The following TBXAS1 variants were observed in gnomAD, a reference collection of about 807,000 sequenced individuals.
TBXAS1 encodes the protein thromboxane-A synthase.
Under a neutral mutation model 60.7 loss-of-function variants are expected in TBXAS1, and 48 were observed. The ratio of observed to expected loss-of-function variants is 0.79; its 90% CI spans 0.63 to 1.01. The LOEUF is 1.01. Ranked by LOEUF, TBXAS1 falls within the 50% of genes least tolerant of loss-of-function variation. TBXAS1 has a pLI of 0.00. For missense variants in TBXAS1, 685 were observed against 686.3 expected, an observed-to-expected ratio of 1.00 and a Z score of 0.02; for synonymous variants, 287 against 269.7, an observed-to-expected ratio of 1.06 and a Z score of -0.63.
upstream of TBXAS1, among the ~76,000 whole-genome samples, chr7:139,828,431 A>G (rs1798508300): frequency 6.6e-6 from 1 of 152,132 alleles, no homozygotes; most frequent in Non-Finnish European, 1.5e-5. Context: ...CACTTCCGCA[A>G]ATGGGGCACT....
At chr7:139,843,672 C>T (rs1799618340) in intron 1 of TBXAS1, among the ~76,000 whole-genome samples, 1 of 152,186 alleles carries the variant, frequency 6.6e-6, no homozygotes. Context: ...TGCATGTGAC[C>T]TATCTTCTTG....
chr7:139,800,154 G>T (rs1478296736), intron 4 of TBXAS1, among the ~76,000 whole-genome samples: 1 of 152,126 alleles, frequency 6.6e-6, no homozygotes, highest in African/African-American at 2.4e-5. Flanking sequence ...GACAGTTCCT[G>T]CTCCCCTCTG....
intron 3 of TBXAS1, among the ~76,000 whole-genome samples, chr7:139,784,147 G>GCCTTCCC (rs1797100065): frequency 6.7e-6 from 1 of 148,864 alleles, no homozygotes; most frequent in Non-Finnish European, 1.5e-5. Context: ...CTGCCTGCCT[G>GCCTTCCC]CCTTCCCCCT....
chr7:139,812,146 A>G (rs554350363), intron 4 of TBXAS1, among the ~76,000 whole-genome samples: 1 of 152,334 alleles, frequency 6.6e-6, no homozygotes, highest in South Asian at 2.1e-4. Flanking sequence ...AGGAATGGTA[A>G]AAGACCTCTC....
intron 1 of TBXAS1, among the ~76,000 whole-genome samples, chr7:139,831,304 T>C (rs1166799898): frequency 6.6e-6 from 1 of 152,108 alleles, no homozygotes; most frequent in African/African-American, 2.4e-5. Flanking sequence ...GTCCATCCCT[T>C]GATTCAGTGC....
chr7:139,888,638 CACATTAT>C (rs1431966987), intron 3 of TBXAS1, among the ~76,000 whole-genome samples: 3 of 152,124 alleles, frequency 2.0e-5, no homozygotes, highest in Non-Finnish European at 4.4e-5. Flanking sequence ...AAGGTTAGCT[CACATTAT>C]ACCTATCCAA....
At chr7:139,864,838 A>G (rs1801230857) in intron 1 of TBXAS1, among the ~76,000 whole-genome samples, 1 of 152,176 alleles carries the variant, frequency 6.6e-6, no homozygotes. Flanking sequence ...TTATTTTACC[A>G]GGGTCCCACT....
intron 3 of TBXAS1, among the ~76,000 whole-genome samples, chr7:139,895,924 T>C (rs1804057812): frequency 6.6e-6 from 1 of 152,142 alleles, no homozygotes; most frequent in Non-Finnish European, 1.5e-5. Flanking sequence ...CCCCAAGTTT[T>C]AGAAAATGAC....
intron 4 of TBXAS1, among the ~76,000 whole-genome samples, chr7:139,924,940 C>A (rs1806769516): frequency 6.6e-6 from 1 of 152,110 alleles, no homozygotes; most frequent in African/African-American, 2.4e-5. Flanking sequence ...TTCTTCTTGG[C>A]ACCTTTGTGA....
chr7:139,941,338 A>G (rs1452270547), intron 5 of TBXAS1, among the ~76,000 whole-genome samples: 3 of 152,164 alleles, frequency 2.0e-5, no homozygotes, highest in Admixed American at 1.3e-4. Context: ...GTCTTCGTTT[A>G]TGCGGATATT....
At chr7:139,895,158 T>C (rs766860735) in intron 3 of TBXAS1, among the ~76,000 whole-genome samples, 1 of 151,366 alleles carries the variant, frequency 6.6e-6, no homozygotes, top group Non-Finnish European at 1.5e-5. Flanking sequence ...AAGGGGGAGG[T>C]GAGGGCAAAG....
At chr7:139,962,639 A>G in intron 9 of TBXAS1, 1 of 281,748 alleles carries the variant, frequency 3.5e-6, no homozygotes, top group South Asian at 3.6e-5. Context: ...AGAAGGCAGG[A>G]GTGGACAAAA....
intron 9 of TBXAS1, among the ~76,000 whole-genome samples, chr7:139,977,434 AC>A (rs1277350789): frequency 6.6e-6 from 1 of 152,112 alleles, no homozygotes; most frequent in Non-Finnish European, 1.5e-5. Flanking sequence ...TGATTCAATT[AC>A]CGCCCACCAG....
intron 1 of TBXAS1, among the ~76,000 whole-genome samples, chr7:139,861,419 ATT>A (rs58163146): frequency 0.018 from 2,349 of 130,688 alleles, 44 homozygotes; most frequent in African/African-American, 0.04. Context: ...TCTTTTTAGA[ATT>A]TTTTTTTTTT....
intron 3 of TBXAS1, among the ~76,000 whole-genome samples, chr7:139,907,667 A>G (rs1805211247): frequency 6.6e-6 from 1 of 152,128 alleles, no homozygotes; most frequent in Non-Finnish European, 1.5e-5. Flanking sequence ...TACATTGAGT[A>G]CCACATCATA....
At chr7:140,007,288 T>C in intron 10 of TBXAS1, 106 bp downstream of exon 10, 4 of 1,040,900 alleles carry the variant, frequency 3.8e-6, no homozygotes, top group Non-Finnish European at 6.0e-6. Context: ...CTTGTGTTTC[T>C]GGAGGGCAAC....
intron 9 of TBXAS1, among the ~76,000 whole-genome samples, chr7:139,992,750 A>G (rs1813013563): frequency 1.3e-5 from 2 of 152,230 alleles, no homozygotes; most frequent in African/African-American, 2.4e-5. Context: ...ATGGGGAGTG[A>G]TTAGCTCTGC....
chr7:139,882,448 GA>G (rs1802768069), intron 3 of TBXAS1, among the ~76,000 whole-genome samples: 1 of 152,170 alleles, frequency 6.6e-6, no homozygotes, highest in Non-Finnish European at 1.5e-5. Flanking sequence ...AGATGTTGAA[GA>G]AAGGTGGAAA....
chr7:139,912,809 A>G (rs138372219), intron 4 of TBXAS1, among the ~76,000 whole-genome samples: 227 of 152,328 alleles, frequency 1.5e-3, no homozygotes, highest in African/African-American at 5.1e-3. Context: ...TTGTCATCGC[A>G]AGAGCTTATG....
Sources: gnomAD v4.1 joint callset for allele counts (sites outside exome capture counted in the v4.1 genomes callset) on GRCh38, gnomAD v4.1.1 for gene constraint, MANE v1.5 for transcripts, NCBI Gene and HGNC (gene_info 2026-07-23, HGNC 2026-07-21) for gene names.